TNS1: variants seen among roughly 807,000 people sequenced by gnomAD.
The protein encoded by TNS1 is tensin 1.
Under a neutral mutation model 168.6 loss-of-function variants are expected in TNS1, and 62 were observed. That is an observed-to-expected ratio of 0.37 (90% confidence interval 0.30 to 0.45). The LOEUF (loss-of-function observed/expected upper bound fraction) is 0.45. TNS1 is among the 20% of genes least tolerant of loss of function. TNS1 has a pLI of 1.00. For synonymous variants in TNS1, 934 were observed against 933.2 expected, an observed-to-expected ratio of 1.00 and a Z score of -0.02; for missense variants, 2,240 against 2,339.4, an observed-to-expected ratio of 0.96 and a Z score of 0.88.
intron 3 of TNS1, 37 bp downstream of exon 3, chr2:217,978,728 C>A: frequency 1.4e-6 from 1 of 701,692 alleles, no homozygotes; most frequent in Non-Finnish European, 2.6e-6. Flanking sequence ...AGGCCTGTCC[C>A]AAGTCCTCCC....
At chr2:217,930,314 G>A (rs1330509317) in intron 3 of TNS1, among the ~76,000 whole-genome samples, 5 of 152,240 alleles carry the variant, frequency 3.3e-5, no homozygotes, top group Non-Finnish European at 7.3e-5. Flanking sequence ...GCTCTGCCCA[G>A]GACCACACCA....
In TNS1 at chr2:217,871,841, A is replaced by G. The variant is rs1949801296; in HGVS notation, c.1429+9057T>C. ...TGGGCTTTTTCCTGTTCTACCATCCAGGGATCTGAAACTCGGCCTCCCTCT... is the reference window on the plus strand; with the variant it reads ...TGGGCTTTTTCCTGTTCTACCATCCGGGGATCTGAAACTCGGCCTCCCTCT... On this transcript the variant is annotated intron_variant, in intron 18 of 32. Coordinates refer to ENST00000682258, the MANE Select transcript of TNS1 (RefSeq NM_001387777.1). Among the ~76,000 whole-genome samples the G allele has an allele frequency of 2.6e-5, 4 of 152,406 alleles. 1 individual carries two copies. The highest frequency in any genetic ancestry group is 2.6e-4 in the Admixed American group (4 of 15,310).
chr2:217,809,336 G>GATGC (rs1940071533), intron 30 of TNS1, among the ~76,000 whole-genome samples: 1 of 44,164 alleles, frequency 2.3e-5, no homozygotes, highest in Non-Finnish European at 4.7e-5. Flanking sequence ...TGGATGGATG[G>GATGC]ATGGATGGAT....
intron 3 of TNS1, among the ~76,000 whole-genome samples, chr2:217,922,782 C>G (rs1955794278): frequency 6.6e-6 from 1 of 152,150 alleles, no homozygotes; most frequent in African/African-American, 2.4e-5. Context: ...GGGGAGCTGT[C>G]AAGCCCCAGC....
At chr2:217,920,097 C>A (rs1955561227) in intron 4 of TNS1, 98 bp downstream of exon 4, 2 of 700,610 alleles carry the variant, frequency 2.9e-6, no homozygotes, top group Admixed American at 4.0e-5. Context: ...GTCCGACACC[C>A]CAGTTACCAA....
intron 3 of TNS1, among the ~76,000 whole-genome samples, chr2:217,977,332 G>A (rs189478080): frequency 7.2e-4 from 110 of 152,330 alleles, no homozygotes; most frequent in African/African-American, 2.6e-3. Flanking sequence ...GACAAGGGAA[G>A]GGGCAGAAAA....
rs1028944117 is a variant in TNS1 at position 217,948,218 on chromosome 2, G to A, written c.187-27982C>T. Among the ~76,000 whole-genome samples, 5 of 152,190 alleles carry A rather than the reference G, an allele frequency of 3.3e-5. No homozygotes were observed. Among genetic ancestry groups the A allele is most frequent in the African/African-American group, 1.2e-4 (5 of 41,442 alleles). On this transcript the variant is annotated intron_variant, in intron 3 of 32. Coordinates refer to ENST00000682258, the MANE Select transcript of TNS1 (RefSeq NM_001387777.1). The surrounding 1 kb of genome is among the most constrained non-coding windows in gnomAD (Gnocchi z 4.1). ...GCTGACAAGATTCCCAGCAGGGAGG[G>A]GTCGGTTCCCCAACTCTTCCTGTGA...
intron 3 of TNS1, among the ~76,000 whole-genome samples, chr2:217,957,236 T>A (rs1345545655): frequency 6.6e-6 from 1 of 151,834 alleles, no homozygotes; most frequent in Non-Finnish European, 1.5e-5. Context: ...TACATGGACA[T>A]CTCAGGGACA....
chr2:217,866,833 G>A (rs919595569), intron 18 of TNS1, among the ~76,000 whole-genome samples: 4 of 152,184 alleles, frequency 2.6e-5, no homozygotes, highest in Admixed American at 2.6e-4. Flanking sequence ...CAGGACACAG[G>A]CACAGCATTG....
chr2:217,922,911 G>A (rs1955806209), intron 3 of TNS1, among the ~76,000 whole-genome samples: 1 of 152,196 alleles, frequency 6.6e-6, no homozygotes, highest in Non-Finnish European at 1.5e-5. Flanking sequence ...TGACTTTGTT[G>A]TGTGTTTCAG....
chr2:217,985,499 A>G (rs1209874183), intron 2 of TNS1: 1 of 151,424 alleles, frequency 6.6e-6, no homozygotes, highest in East Asian at 1.9e-4. Flanking sequence ...GCTCACCACA[A>G]CCTCCGCCTC....
intron 2 of TNS1, among the ~76,000 whole-genome samples, chr2:217,989,643 C>T (rs1958300584): frequency 6.6e-6 from 1 of 152,128 alleles, no homozygotes; most frequent in East Asian, 1.9e-4. Flanking sequence ...ATTCCAGGAG[C>T]TCATGAAAAT....
chr2:217,886,962 T>G (rs1951263872), intron 12 of TNS1, among the ~76,000 whole-genome samples: 1 of 152,060 alleles, frequency 6.6e-6, no homozygotes, highest in South Asian at 2.1e-4. Context: ...CCCGAGAATC[T>G]CCTGCTGGAC....
At chr2:217,805,354 A>C (rs1420255361) in intron 32 of TNS1, among the ~76,000 whole-genome samples, 4 of 151,372 alleles carry the variant, frequency 2.6e-5, no homozygotes. Context: ...TCCCTACCGC[A>C]GGACCACGGC....
rs777495257 is a variant in TNS1, at chr2:218,031,534, TGTGC to T, written c.156+2282_156+2285del. 1.8e-4 allele frequency among the ~76,000 whole-genome samples: 22 copies of T among 123,878 alleles called. No homozygotes were observed. The East Asian group carries it at 2.1e-3, about 12-fold the overall frequency. The allele number at this position is 123,878 out of a possible 152,430, so 81.3% of individuals were successfully genotyped here. A position where few individuals can be genotyped will look rare whatever the true frequency, so the allele number is the denominator to read the frequency against. On this transcript the variant is annotated intron_variant, in intron 1 of 1. Transcript: ENST00000649572. The stretch of plus-strand genomic sequence containing the variant: ...TGAGTGTGTCTTGTGTGAGTGTGTG[TGTGC>T]CTGTGTGTATGAGTGTATGTGTGTG...
In TNS1 at chr2:217,849,076, G is replaced by C; in HGVS notation, c.1441C>G (p.His481Asp). 3 of 1,611,020 alleles carry C rather than the reference G, an allele frequency of 1.9e-6. No individual in the cohort carries two copies. The highest frequency in any genetic ancestry group is 1.7e-6 in the Non-Finnish European group (2 of 1,178,386). Residue 481 changes from histidine (H) to aspartate (D), a missense_variant, in exon 19 of 33, where the codon CAC becomes GAC. By Grantham distance (81) the His-to-Asp change is moderately conservative (BLOSUM62 -1). This residue lies in a region of TNS1 where 2,131 missense variants were observed against 2,171.2 expected (regional missense o/e 0.98). Coordinates refer to ENST00000682258, the MANE Select transcript of TNS1 (RefSeq NM_001387777.1). ...RDDGMEEVVGHTQGPLDGSLY... is the reference protein window; with the variant it reads ...RDDGMEEVVGDTQGPLDGSLY... ...CTCCCATCTAGTGGCCCCTGCGTGTGTCCCACCACCTCTGCAAGGGACAGA... is the reference window on the plus strand; with the variant it reads ...CTCCCATCTAGTGGCCCCTGCGTGTCTCCCACCACCTCTGCAAGGGACAGA...
intron 18 of TNS1, chr2:217,858,671 T>TACAGACACACACAC (rs1948454148): frequency 1.3e-5 from 2 of 149,076 alleles, no homozygotes; most frequent in African/African-American, 7.1e-5. Flanking sequence ...CCTGCCCATG[T>TACAGACACACACAC]ACACACACAC....
chr2:217,821,184 C>T (rs143491093), intron 23 of TNS1, among the ~76,000 whole-genome samples: 2 of 152,152 alleles, frequency 1.3e-5, no homozygotes, highest in East Asian at 1.9e-4. Flanking sequence ...GCAGGGAGGG[C>T]GCCATGATGC....
chr2:217,891,119 C>A (rs1173485677), intron 11 of TNS1, 74 bp from the exon 12 acceptor site: 1 of 1,446,546 alleles, frequency 6.9e-7, no homozygotes, highest in Non-Finnish European at 9.7e-7. Context: ...CACCCCTGCT[C>A]CCTCAGACCT....
Sources: allele counts gnomAD v4.1 joint callset (sites outside exome capture counted in the v4.1 genomes callset), GRCh38; gene constraint gnomAD v4.1.1; regional missense constraint gnomAD v4.1.1; non-coding constraint Gnocchi (gnomAD v3.1); transcripts MANE v1.5; gene names NCBI Gene and HGNC (gene_info 2026-07-23, HGNC 2026-07-21).